The following EHBP1 variants were observed in gnomAD, a reference collection of about 807,000 sequenced individuals.
EHBP1 encodes the protein EH domain-binding protein 1.
EHBP1 carries 55 observed loss-of-function variants against 144.0 expected under a neutral mutation model. The observed-to-expected ratio is 0.38, with a 90% CI of 0.31 to 0.48. The LOEUF is 0.48. EHBP1 is among the 20% of genes least tolerant of loss of function. EHBP1 has a pLI of 0.98. For synonymous variants in EHBP1, 469 were observed against 472.7 expected, an observed-to-expected ratio of 0.99 and a Z score of 0.10; for missense variants, 1,200 against 1,364.2, an observed-to-expected ratio of 0.88 and a Z score of 1.90.
intron 13 of EHBP1, 64 bp downstream of exon 13, chr2:62,949,226 T>G: frequency 7.4e-7 from 1 of 1,357,764 alleles, no homozygotes; most frequent in Non-Finnish European, 1.0e-6. Context: ...TTTGTTTCTT[T>G]TTGCATTCAT....
chr2:62,900,208 A>G (rs1001122143), intron 10 of EHBP1, among the ~76,000 whole-genome samples: 9 of 152,226 alleles, frequency 5.9e-5, no homozygotes, highest in Admixed American at 4.6e-4. Flanking sequence ...GGAAAATAAA[A>G]AAATGAAGAC....
chr2:62,703,227 C>T (rs150942067), upstream of EHBP1, among the ~76,000 whole-genome samples: 271 of 151,654 alleles, frequency 1.8e-3, 1 homozygote, highest in East Asian at 0.018. Context: ...ATTAGCCAGT[C>T]GTGGTAGCAT....
At chr2:62,920,135 A>G (rs887875656) in intron 10 of EHBP1, among the ~76,000 whole-genome samples, 9 of 152,190 alleles carry the variant, frequency 5.9e-5, no homozygotes, top group African/African-American at 2.2e-4. Context: ...AAGATTAACA[A>G]GTTCCAAGTA....
chr2:63,015,087 ATGAGGAAAAATT>A (rs1049342463), intron 19 of EHBP1, among the ~76,000 whole-genome samples: 1 of 152,238 alleles, frequency 6.6e-6, no homozygotes, highest in South Asian at 2.1e-4. Flanking sequence ...CGAATTTTAT[ATGAGGAAAAATT>A]TTGCCAGTGT....
In EHBP1 at chr2:63,046,219, A is replaced by T. The variant is rs974454656; in HGVS notation, c.*719A>T. On this transcript the variant is annotated 3_prime_UTR_variant, in exon 23 of 23. Transcript: ENST00000431489. ...TACAAAGACAGTCTTATCATCCGAG[A>T]ATACACCATCTTTTTCTCTGGATAA... The T allele has an allele frequency of 1.3e-5, 2 of 152,670 alleles. No homozygotes were observed. Among genetic ancestry groups the T allele is most frequent in the African/African-American group, 4.8e-5 (2 of 41,460 alleles). The allele number at this position is 152,670 out of a possible 1,614,324, so 9.5% of individuals were successfully genotyped here. A position where few individuals can be genotyped will look rare whatever the true frequency, so the allele number is the denominator to read the frequency against.
chr2:62,706,745 G>A (rs1439811563), intron 1 of EHBP1, 152 bp from the exon 2 acceptor site: 1 of 157,504 alleles, frequency 6.3e-6, no homozygotes, highest in African/African-American at 2.4e-5. Flanking sequence ...TGATGTTACT[G>A]GCTTTTGAGG....
chr2:62,835,659 G>A (rs1017523341), intron 7 of EHBP1, among the ~76,000 whole-genome samples: 2 of 152,214 alleles, frequency 1.3e-5, no homozygotes, highest in Non-Finnish European at 2.9e-5. Context: ...CCGAAGCAGG[G>A]CGAGGCATTG....
rs533691092 is a variant in EHBP1, at chr2:62,751,432, GGT to G, written c.162+3981_162+3982del. ...TGCATGGATGTTCATCAGGGATATT[GGT>G]CCAAAATTCTCTTTTTTTGCTGTGT... On this transcript the variant is annotated intron_variant, in intron 3 of 22. Coordinates refer to ENST00000431489, the MANE Select transcript of EHBP1 (RefSeq NM_001142616.3). 4.0e-3 allele frequency among the ~76,000 whole-genome samples: 611 copies of G among 152,282 alleles called. 5 individuals carry two copies. Among genetic ancestry groups the G allele is most frequent in the Middle Eastern group, 0.034 (10 of 294 alleles).
At chr2:62,710,159 T>C (rs1255589369) in intron 2 of EHBP1, among the ~76,000 whole-genome samples, 1 of 152,150 alleles carries the variant, frequency 6.6e-6, no homozygotes, top group East Asian at 1.9e-4. Flanking sequence ...TTTAGATTTC[T>C]GAGAGAAATC....
chr2:62,816,730 C>A (rs893621794), intron 5 of EHBP1, among the ~76,000 whole-genome samples: 3 of 152,138 alleles, frequency 2.0e-5, no homozygotes, highest in Non-Finnish European at 4.4e-5. Flanking sequence ...TCTCCTGACT[C>A]TCCTAATTCT....
intron 2 of EHBP1, among the ~76,000 whole-genome samples, chr2:62,710,788 G>C (rs2035071304): frequency 6.6e-6 from 1 of 152,144 alleles, no homozygotes; most frequent in African/African-American, 2.4e-5. Context: ...TCCCAGCTTA[G>C]TCTTCCAATT....
At chr2:62,979,415 T>A in intron 15 of EHBP1, 80 bp downstream of exon 15, 2 of 1,434,544 alleles carry the variant, frequency 1.4e-6, no homozygotes, top group Non-Finnish European at 9.4e-7. Flanking sequence ...TATTCTTACT[T>A]CAAAATGTTG....
chr2:62,932,951 C>CAAA (rs1163755712), intron 10 of EHBP1, among the ~76,000 whole-genome samples: 1 of 46,164 alleles, frequency 2.2e-5, no homozygotes. Flanking sequence ...GACTCCATCT[C>CAAA]AAAAAAAAAA....
At chr2:62,863,174 T>G (rs1278741737) in intron 8 of EHBP1, among the ~76,000 whole-genome samples, 1 of 152,076 alleles carries the variant, frequency 6.6e-6, no homozygotes, top group Non-Finnish European at 1.5e-5. Context: ...TCCCAGCTAC[T>G]CAGGAGGCTG....
At chr2:62,835,313 A>G (rs2047127334) in intron 7 of EHBP1, among the ~76,000 whole-genome samples, 3 of 151,974 alleles carry the variant, frequency 2.0e-5, no homozygotes, top group Non-Finnish European at 4.4e-5. Context: ...CCCATCCCTT[A>G]CATGTTGCTT....
chr2:63,028,001 G>A (rs1288443161), intron 19 of EHBP1, among the ~76,000 whole-genome samples: 2 of 152,084 alleles, frequency 1.3e-5, no homozygotes, highest in Non-Finnish European at 2.9e-5. Context: ...GGGCTCAAGC[G>A]ATCCTCCTGT....
chr2:62,720,156 T>A (rs1435020578), intron 2 of EHBP1, among the ~76,000 whole-genome samples: 2 of 152,166 alleles, frequency 1.3e-5, no homozygotes, highest in Non-Finnish European at 2.9e-5. Context: ...TGGACCTGAC[T>A]ACTTAATAAA....
intron 7 of EHBP1, among the ~76,000 whole-genome samples, chr2:62,849,609 A>G (rs991990234): frequency 1.3e-5 from 2 of 152,244 alleles, no homozygotes; most frequent in African/African-American, 4.8e-5. Flanking sequence ...AGATACATAG[A>G]TAAAACAGTG....
At position 62,826,415 on chromosome 2, in the gene EHBP1, T is replaced by G. The variant is rs537059810; in HGVS notation, c.494+147T>G. On this transcript the variant is annotated intron_variant, in intron 6 of 22. Coordinates refer to ENST00000431489, the MANE Select transcript of EHBP1 (RefSeq NM_001142616.3). ...GTTTCAGAGGCTGAATTAAGGGAAC[T>G]CCTTGTTACTTATAAATAGTCTCTT... is the stretch of plus-strand genomic sequence containing the variant. 2.1e-5 allele frequency: 13 copies of G among 618,986 alleles called. 1 individual carries two copies. The East Asian group carries it at 4.1e-4, about 19-fold the overall frequency. The allele number at this position is 618,986 out of a possible 1,614,324, so 38.3% of individuals were successfully genotyped here.
Sources: gnomAD v4.1 joint callset for allele counts (sites outside exome capture counted in the v4.1 genomes callset) on GRCh38, gnomAD v4.1.1 for gene constraint, MANE v1.5 for transcripts, NCBI Gene and HGNC (gene_info 2026-07-23, HGNC 2026-07-21) for gene names.